Variants in PARD3 observed in about 807,000 individuals in gnomAD.
PARD3 encodes the protein par-3 family cell polarity regulator, also known as partitioning defective 3 homolog.
Under a neutral mutation model 155.4 loss-of-function variants are expected in PARD3, and 75 were observed. The observed-to-expected ratio is 0.48, with a 90% CI of 0.40 to 0.58. PARD3 has a LOEUF of 0.58. Ranked by LOEUF, PARD3 falls within the 20% of genes least tolerant of loss-of-function variation. PARD3 has a pLI of 0.00. For synonymous variants in PARD3, 576 were observed against 610.5 expected (o/e 0.94, Z 0.83); for missense variants, 1,642 against 1,721.7 (o/e 0.95, Z 0.82).
At chr10:34,661,132 G>A (rs892297738) in intron 2 of PARD3, among the ~76,000 whole-genome samples, 7 of 152,118 alleles carry the variant, frequency 4.6e-5, no homozygotes, top group Non-Finnish European at 7.4e-5. Flanking sequence ...GTAACAGAGC[G>A]GTTTTCAGCT....
At chr10:34,184,169 G>A (rs1478786719) in intron 22 of PARD3, among the ~76,000 whole-genome samples, 1 of 152,170 alleles carries the variant, frequency 6.6e-6, no homozygotes, top group Admixed American at 6.5e-5. Flanking sequence ...CCTTCACACT[G>A]AGGTTTCCGA....
chr10:34,414,515 G>C (rs1367760638), intron 5 of PARD3, among the ~76,000 whole-genome samples: 1 of 151,810 alleles, frequency 6.6e-6, no homozygotes, highest in African/African-American at 2.4e-5. Flanking sequence ...TGAATCTACT[G>C]ACCACAGTTA....
At position 34,293,513 on chromosome 10, in the gene PARD3, G is replaced by C. The variant is rs547849798; in HGVS notation, c.3066-9268C>G. Among the ~76,000 whole-genome samples the C allele has an allele frequency of 7.7e-4, 117 of 152,036 alleles. 1 individual carries two copies. Among genetic ancestry groups the C allele is most frequent in the African/African-American group, 2.7e-3 (110 of 41,486 alleles). On this transcript the variant is annotated intron_variant, in intron 20 of 24. Coordinates refer to ENST00000374788, the MANE Select transcript of PARD3 (RefSeq NM_001184785.2). ...TATATATACTTTAAATATAGTAAAAGCACAGAATTCTGATTTTTCTAAATG... is the reference window on the plus strand; with the variant it reads ...TATATATACTTTAAATATAGTAAAACCACAGAATTCTGATTTTTCTAAATG...
intron 3 of PARD3, among the ~76,000 whole-genome samples, chr10:34,511,783 G>A (rs1175469183): frequency 1.3e-5 from 2 of 152,080 alleles, no homozygotes; most frequent in Admixed American, 6.6e-5. Flanking sequence ...CTGGTGTGCA[G>A]TGGACAATCA....
chr10:34,703,845 G>T (rs2094321919), intron 1 of PARD3, among the ~76,000 whole-genome samples: 1 of 152,116 alleles, frequency 6.6e-6, no homozygotes, highest in African/African-American at 2.4e-5. Flanking sequence ...ACAAGAAATA[G>T]TCCCCCATCC....
chr10:34,634,571 G>A lies in PARD3; in HGVS notation c.222+61747C>T, dbSNP rs568950371. Among the ~76,000 whole-genome samples the A allele has an allele frequency of 2.0e-5, 3 of 152,272 alleles. No homozygotes were observed. In the South Asian group the frequency reaches 6.2e-4, roughly 32 times the overall value. On this transcript the variant is annotated intron_variant, in intron 2 of 24. Transcript: ENST00000374788. ...AATAAACAGAAGAAACTGAAAGCAG[G>A]ATAGGTACAAGGTTTTAAAGAATTG...
intron 2 of PARD3, among the ~76,000 whole-genome samples, chr10:34,640,327 G>C (rs1459059823): frequency 6.6e-6 from 1 of 152,098 alleles, no homozygotes; most frequent in East Asian, 1.9e-4. Context: ...CTTTTAAAAG[G>C]CATTTTTGGC....
intron 14 of PARD3, among the ~76,000 whole-genome samples, chr10:34,354,815 T>TG (rs974093895): frequency 2.0e-5 from 3 of 152,110 alleles, no homozygotes; most frequent in African/African-American, 7.2e-5. Flanking sequence ...TGATGGAGAC[T>TG]GGTTGATCCT....
chr10:34,259,422 A>T (rs1274708034), intron 22 of PARD3, among the ~76,000 whole-genome samples: 1 of 152,158 alleles, frequency 6.6e-6, no homozygotes, highest in Non-Finnish European at 1.5e-5. Flanking sequence ...AGCCACCTGC[A>T]TCCCTTGGCT....
chr10:34,616,868 G>A (rs1159096114), intron 2 of PARD3, among the ~76,000 whole-genome samples: 2 of 150,768 alleles, frequency 1.3e-5, no homozygotes, highest in Non-Finnish European at 2.9e-5. Context: ...ATGGGAGGTG[G>A]AGGCTGCAAT....
chr10:34,762,728 CTGA>C (rs1837620386), intron 1 of PARD3, among the ~76,000 whole-genome samples: 1 of 152,164 alleles, frequency 6.6e-6, no homozygotes, highest in African/African-American at 2.4e-5. Context: ...ATGACTGTTG[CTGA>C]TGAAGAAACA....
intron 20 of PARD3, among the ~76,000 whole-genome samples, chr10:34,311,014 G>A (rs1957670554): frequency 6.6e-6 from 1 of 152,214 alleles, no homozygotes; most frequent in Admixed American, 6.5e-5. Context: ...GCCACTTGAT[G>A]TACCAATGTG....
At chr10:34,339,071 TA>T (rs1194652198) in intron 16 of PARD3, among the ~76,000 whole-genome samples, 2 of 152,102 alleles carry the variant, frequency 1.3e-5, no homozygotes, top group Non-Finnish European at 2.9e-5. Flanking sequence ...CTTCTAAAAG[TA>T]AAAAATCAAA....
At position 34,517,015 on chromosome 10, in the gene PARD3, T is replaced by C. The variant is rs2081817448; in HGVS notation, c.367A>G (p.Ser123Gly). The C allele has an allele frequency of 6.2e-7, 1 of 1,614,074 alleles. No individual in the cohort carries two copies. Among genetic ancestry groups the C allele is most frequent in the Non-Finnish European group, 8.5e-7 (1 of 1,180,030 alleles). Reference protein sequence around the residue: ...VSAFQPYQATSEIEVTPSVLR... With the variant: ...VSAFQPYQATGEIEVTPSVLR... ...ACTGAAGGTGTGACCTCAATTTCAC[T>C]TGTTGCTTGGTAAGGCTGAAAGGCT... Residue 123 changes from serine to glycine, a missense_variant, in exon 3 of 25, where the codon AGT becomes GGT. Ser to Gly is a moderately conservative substitution (Grantham distance 56). This residue lies in a region of PARD3 where 1,529 missense variants were observed against 1,587.3 expected (regional missense o/e 0.96). Coordinates refer to ENST00000374788, the MANE Select transcript of PARD3 (RefSeq NM_001184785.2).
intron 2 of PARD3, among the ~76,000 whole-genome samples, chr10:34,563,491 C>A (rs2384228): frequency 0.36 from 55,235 of 151,570 alleles, 10,351 homozygotes; most frequent in South Asian, 0.45. Context: ...CTCAGCCTCC[C>A]AAGTAGCTGT....
chr10:34,127,476 T>A (rs1947350081), intron 23 of PARD3, among the ~76,000 whole-genome samples: 1 of 152,218 alleles, frequency 6.6e-6, no homozygotes, highest in Non-Finnish European at 1.5e-5. Context: ...AGTATTCCTT[T>A]ATTTTTTATC....
At chr10:34,346,009 A>C (rs113529454) in intron 15 of PARD3, 1 of 984,634 alleles carries the variant, frequency 1.0e-6, no homozygotes, top group Non-Finnish European at 1.2e-6. Flanking sequence ...TATCCAAATC[A>C]TAAAAACATC....
chr10:34,323,486 G>A (rs1299562683), intron 19 of PARD3, among the ~76,000 whole-genome samples: 2 of 152,144 alleles, frequency 1.3e-5, no homozygotes, highest in Non-Finnish European at 2.9e-5. Context: ...TTTATTAGTG[G>A]TATTGTAGAG....
intron 15 of PARD3, among the ~76,000 whole-genome samples, chr10:34,347,607 T>C (rs1185134543): frequency 6.6e-6 from 1 of 152,218 alleles, no homozygotes; most frequent in Non-Finnish European, 1.5e-5. Context: ...TTGAATCCTT[T>C]TTGCCACAAG....
Sources: allele counts gnomAD v4.1 joint callset (sites outside exome capture counted in the v4.1 genomes callset), GRCh38; gene constraint gnomAD v4.1.1; regional missense constraint gnomAD v4.1.1; transcripts MANE v1.5; gene names NCBI Gene and HGNC (gene_info 2026-07-23, HGNC 2026-07-21).